Variants in SPTBN4 observed in about 807,000 individuals in gnomAD.
SPTBN4 encodes the protein spectrin beta chain, non-erythrocytic 4.
In SPTBN4, 96 loss-of-function variants were observed where a neutral mutation model predicts 277.8. The ratio of observed to expected loss-of-function variants is 0.35; its 90% CI spans 0.29 to 0.41. The LOEUF (loss-of-function observed/expected upper bound fraction) is 0.41, where lower values mean the gene tolerates loss of function less well. Ranked by LOEUF, SPTBN4 falls within the 10% of genes least tolerant of loss-of-function variation. SPTBN4 has a pLI of 1.00. For synonymous variants in SPTBN4, 1,481 were observed against 1,580.3 expected, an observed-to-expected ratio of 0.94 and a Z score of 1.49; for missense variants, 3,006 against 3,595.7, an observed-to-expected ratio of 0.84 and a Z score of 4.19.
chr19:40,488,126 G>T (rs886419181), intron 3 of SPTBN4, among the ~76,000 whole-genome samples: 1 of 152,190 alleles, frequency 6.6e-6, no homozygotes, highest in Non-Finnish European at 1.5e-5. Flanking sequence ...GGAAGGGGCC[G>T]GGCTCTGTTG....
intron 32 of SPTBN4, among the ~76,000 whole-genome samples, chr19:40,570,011 GACACAGATACACACACAGACACACAC>G (rs1568382148): frequency 2.7e-5 from 3 of 113,078 alleles, no homozygotes; most frequent in African/African-American, 6.9e-5. Context: ...CAGACACACA[GACACAGATACACACACAGACACACAC>G]ACACAGACTC....
chr19:40,540,491 C>T (rs942927349), intron 20 of SPTBN4, among the ~76,000 whole-genome samples: 1 of 152,036 alleles, frequency 6.6e-6, no homozygotes, highest in African/African-American at 2.4e-5. Flanking sequence ...GTCCTCCTGC[C>T]TTAGCCCCTC....
intron 15 of SPTBN4, among the ~76,000 whole-genome samples, chr19:40,517,337 T>G (rs1047800195): frequency 6.6e-6 from 1 of 151,916 alleles, no homozygotes; most frequent in Non-Finnish European, 1.5e-5. Context: ...TCGCCCAGAC[T>G]GGAGTGCAGT....
intron 1 of SPTBN4, among the ~76,000 whole-genome samples, chr19:40,471,487 C>G (rs1230810114): frequency 6.6e-6 from 1 of 152,208 alleles, no homozygotes; most frequent in Non-Finnish European, 1.5e-5. Flanking sequence ...CTAATAATAA[C>G]AGTGACAATT....
intron 3 of SPTBN4, among the ~76,000 whole-genome samples, chr19:40,489,273 G>A (rs1199968446): frequency 6.6e-6 from 1 of 151,888 alleles, no homozygotes; most frequent in Non-Finnish European, 1.5e-5. Context: ...GCTGTTGGAA[G>A]GAATTGAGCC....
In SPTBN4 at chr19:40,519,263, C is replaced by G; in HGVS notation, c.2904-138C>G. The G allele has an allele frequency of 1.2e-6, 1 of 862,064 alleles. No individual in the cohort carries two copies. Among genetic ancestry groups the G allele is most frequent in the African/African-American group, 1.8e-5 (1 of 56,590 alleles). The allele number at this position is 862,064 out of a possible 1,614,324, so 53.4% of individuals were successfully genotyped here. On this transcript the variant is annotated intron_variant, in intron 15 of 35. Coordinates refer to ENST00000598249, the MANE Select transcript of SPTBN4 (RefSeq NM_020971.3). This position sits in a 1 kb window ranked among gnomAD's most constrained non-coding sequence, Gnocchi z 5.7. ...TGCTGCGTAGGGTTCCATTTTACAC[C>G]GGCAGAAACTGGAGAAACTTTCTGA...
At position 40,515,054 on chromosome 19, in the gene SPTBN4, A is replaced by C. The variant is rs2080437819; in HGVS notation, c.2766-257A>C. ...CGGGAGGCAGAGGTTGCAGTGAGCC[A>C]CAATCGCGCCACTGCACTCCAGCCT... is the stretch of plus-strand genomic sequence containing the variant. On this transcript the variant is annotated intron_variant, in intron 14 of 35. Coordinates refer to ENST00000598249, the MANE Select transcript of SPTBN4 (RefSeq NM_020971.3). This position sits in a 1 kb window ranked among gnomAD's most constrained non-coding sequence, Gnocchi z 4.1. Among the ~76,000 whole-genome samples, 1 of 152,148 alleles carries C rather than the reference A, an allele frequency of 6.6e-6. No individual in the cohort carries two copies. The highest frequency in any genetic ancestry group is 2.4e-5 in the African/African-American group (1 of 41,436).
intron 22 of SPTBN4, among the ~76,000 whole-genome samples, chr19:40,550,573 G>A (rs1010788560): frequency 3.4e-5 from 5 of 145,982 alleles, no homozygotes; most frequent in African/African-American, 5.1e-5. Flanking sequence ...CACAATCTTT[G>A]CTCACTGCAA....
chr19:40,543,648 G>A (rs748874407), intron 20 of SPTBN4, among the ~76,000 whole-genome samples: 1 of 151,914 alleles, frequency 6.6e-6, no homozygotes, highest in Non-Finnish European at 1.5e-5. Context: ...TTCTTCTCTA[G>A]CTTTCCTCCA....
rs1279991947 is a variant in SPTBN4, at chr19:40,575,451, T to C, written c.7577T>C (p.Val2526Ala). The C allele has an allele frequency of 6.2e-7, 1 of 1,613,202 alleles. No individual in the cohort carries two copies. The highest frequency in any genetic ancestry group is 8.5e-7 in the Non-Finnish European group (1 of 1,179,866). ...TGGCTGGAGGCTGTAGCTTCCTCGGTGGCGGAACACGCAGAGATCGCCCGC... is the reference window on the plus strand; with the variant it reads ...TGGCTGGAGGCTGTAGCTTCCTCGGCGGCGGAACACGCAGAGATCGCCCGC... ...NGWLEAVASS[V>A]AEHAEIARWG... The change falls in exon 36 of 36, where the codon GTG becomes GCG. Residue 2526 changes from valine (V) to alanine (A), a missense_variant. This residue lies in a region of SPTBN4 where 630 missense variants were observed against 677.6 expected (regional missense o/e 0.93). Transcript: ENST00000598249.
rs763962646 is a variant in SPTBN4 at position 40,492,945 on chromosome 19, T to C, written c.496-18T>C. The C allele has an allele frequency of 6.2e-7, 1 of 1,612,234 alleles. No homozygotes were observed. The highest frequency in any genetic ancestry group is 1.7e-5 in the Admixed American group (1 of 59,974). On this transcript the variant is annotated intron_variant, in intron 4 of 35. Coordinates refer to ENST00000598249, the MANE Select transcript of SPTBN4 (RefSeq NM_020971.3). ...CAAGCTCTCCAGGCCCTGGTAGCCATTTTTTGTATCTTCACAGATTCAAGT... is the reference window on the plus strand; with the variant it reads ...CAAGCTCTCCAGGCCCTGGTAGCCACTTTTTGTATCTTCACAGATTCAAGT...
rs1245074123 is a variant in SPTBN4, at chr19:40,519,302, C to CT, written c.2904-98dup. ...GAAACTTTCTGAGGTCACACAGTGGCTGGGTGGCTTGGGCCTGGATTCTAC... is the reference window on the plus strand; with the variant it reads ...GAAACTTTCTGAGGTCACACAGTGGCTTGGGTGGCTTGGGCCTGGATTCTAC... On this transcript the variant is annotated intron_variant, in intron 15 of 35. Coordinates refer to ENST00000598249, the MANE Select transcript of SPTBN4 (RefSeq NM_020971.3). The surrounding 1 kb of genome is among the most constrained non-coding windows in gnomAD (Gnocchi z 5.7). 1 of 1,239,758 alleles carries CT rather than the reference C, an allele frequency of 8.1e-7. No homozygotes were observed. The highest frequency in any genetic ancestry group is 1.6e-5 in the African/African-American group (1 of 63,820). 76.8% of individuals were successfully genotyped at this position (1,239,758 alleles called of 1,614,324 possible).
chr19:40,555,033 A>C (rs1286862720), intron 24 of SPTBN4: 1 of 211,186 alleles, frequency 4.7e-6, no homozygotes, highest in Admixed American at 6.0e-5. Context: ...CTCCTGGTGC[A>C]GTGGGGTGAT....
chr19:40,485,316 G>C (rs1352647710), intron 2 of SPTBN4, among the ~76,000 whole-genome samples: 1 of 151,980 alleles, frequency 6.6e-6, no homozygotes. Context: ...AGTCCTGCTA[G>C]TTTTTTGTAT....
At chr19:40,516,195 GC>G (rs1197412112) in intron 15 of SPTBN4, among the ~76,000 whole-genome samples, 1 of 145,262 alleles carries the variant, frequency 6.9e-6, no homozygotes, top group Non-Finnish European at 1.5e-5. Flanking sequence ...CAGAGATTGT[GC>G]CACTGCACTC....
intron 15 of SPTBN4, among the ~76,000 whole-genome samples, chr19:40,516,856 A>C (rs538881901): frequency 6.6e-6 from 1 of 151,972 alleles, no homozygotes; most frequent in South Asian, 2.1e-4. Flanking sequence ...AACAAACAAA[A>C]ACCTCCTGGC....
At position 40,565,503 on chromosome 19, in the gene SPTBN4, C is replaced by G. The variant is rs755108752; in HGVS notation, c.5996C>G (p.Thr1999Ser). The G allele has an allele frequency of 6.2e-7, 1 of 1,614,000 alleles. No individual in the cohort carries two copies. Among genetic ancestry groups the G allele is most frequent in the African/African-American group, 1.3e-5 (1 of 74,900 alleles). Residue 1999 changes from threonine (T) to serine (S), a missense_variant, in exon 28 of 36, where the codon ACC becomes AGC. Coordinates refer to ENST00000598249, the MANE Select transcript of SPTBN4 (RefSeq NM_020971.3). ...CTGGAGGCGCGGGTGCCTGAGCTGA[C>G]CACCTGCCAGGAGCTGGGGCGATCT... ...TELEARVPEL[T>S]TCQELGRSLL...
chr19:40,486,767 C>A (rs2080076913), intron 2 of SPTBN4, among the ~76,000 whole-genome samples: 1 of 152,148 alleles, frequency 6.6e-6, no homozygotes. Context: ...GAGGCTGAGG[C>A]CATGGCTGTA....
intron 20 of SPTBN4, among the ~76,000 whole-genome samples, chr19:40,539,772 G>A (rs149084947): frequency 1.3e-4 from 20 of 151,964 alleles, no homozygotes; most frequent in African/African-American, 4.8e-4. Context: ...GAGCCACCGC[G>A]CCTGGCTGTG....
Sources: allele counts gnomAD v4.1 joint callset (sites outside exome capture counted in the v4.1 genomes callset), GRCh38; gene constraint gnomAD v4.1.1; regional missense constraint gnomAD v4.1.1; non-coding constraint Gnocchi (gnomAD v3.1); transcripts MANE v1.5; gene names NCBI Gene and HGNC (gene_info 2026-07-23, HGNC 2026-07-21).